Variants in BRINP1 observed in about 807,000 individuals in gnomAD.
The protein encoded by BRINP1 is BMP/retinoic acid inducible neural specific 1.
BRINP1 carries 17 observed loss-of-function variants against 72.9 expected under a neutral mutation model. The observed-to-expected ratio is 0.23, with a 90% CI of 0.16 to 0.35. The LOEUF (loss-of-function observed/expected upper bound fraction) is 0.35, where lower values mean the gene tolerates loss of function less well. Among genes scored for constraint, BRINP1 ranks in the 10% least tolerant of loss-of-function variants. BRINP1 has a pLI of 1.00. For missense variants in BRINP1, 850 were observed against 1,001.6 expected, an observed-to-expected ratio of 0.85 and a Z score of 2.04; for synonymous variants, 418 against 378.5, an observed-to-expected ratio of 1.10 and a Z score of -1.21.
chr9:119,192,552 C>A (rs1407989562), intron 7 of BRINP1, among the ~76,000 whole-genome samples: 1 of 151,948 alleles, frequency 6.6e-6, no homozygotes, highest in Non-Finnish European at 1.5e-5. Context: ...TACAATATTG[C>A]CCTGCTCCCA....
intron 2 of BRINP1, among the ~76,000 whole-genome samples, chr9:119,307,146 T>A (rs1028861513): frequency 6.6e-6 from 1 of 151,314 alleles, no homozygotes; most frequent in African/African-American, 2.4e-5. Context: ...ACCCACGAGA[T>A]GCCAGAAGCA....
At chr9:119,300,235 C>A (rs1160029682) in intron 2 of BRINP1, among the ~76,000 whole-genome samples, 1 of 151,916 alleles carries the variant, frequency 6.6e-6, no homozygotes, top group Non-Finnish European at 1.5e-5. Context: ...ATGGCTTCAT[C>A]AAAAATAACC....
intron 2 of BRINP1, among the ~76,000 whole-genome samples, chr9:119,287,547 G>A (rs1002774427): frequency 2.8e-4 from 43 of 152,244 alleles, no homozygotes; most frequent in African/African-American, 8.9e-4. Context: ...CTTGTTCCCC[G>A]ATGAACAAGG....
intron 2 of BRINP1, among the ~76,000 whole-genome samples, chr9:119,249,874 G>A (rs1390152527): frequency 3.7e-4 from 38 of 103,570 alleles, no homozygotes; most frequent in African/African-American, 1.2e-3. Context: ...GAGGGAGGGA[G>A]GGAAGGGAGG....
intron 7 of BRINP1, among the ~76,000 whole-genome samples, chr9:119,169,858 G>C (rs230097): frequency 0.08 from 12,033 of 151,120 alleles, 1,460 homozygotes; most frequent in African/African-American, 0.27. Flanking sequence ...GAGGCACCCC[G>C]CCAGCAGGGG....
At chr9:119,208,450 A>G (rs1056057676) in intron 7 of BRINP1, among the ~76,000 whole-genome samples, 2 of 152,226 alleles carry the variant, frequency 1.3e-5, no homozygotes, top group African/African-American at 2.4e-5. Flanking sequence ...TATCAGGGCT[A>G]GTGTTCCCCT....
chr9:119,264,717 C>T (rs78468571), intron 2 of BRINP1, among the ~76,000 whole-genome samples: 1,967 of 152,306 alleles, frequency 0.013, 16 homozygotes, highest in Non-Finnish European at 0.021. Flanking sequence ...ATCACCCAGG[C>T]TGGAGTGCAG....
At chr9:119,317,005 C>T (rs556440952) in intron 1 of BRINP1, among the ~76,000 whole-genome samples, 6 of 150,762 alleles carry the variant, frequency 4.0e-5, no homozygotes, top group East Asian at 1.9e-4. Context: ...CCAGGAGAAT[C>T]GCTTGAACCC....
At chr9:119,344,042 G>A (rs1247360839) in intron 1 of BRINP1, among the ~76,000 whole-genome samples, 1 of 152,114 alleles carries the variant, frequency 6.6e-6, no homozygotes, top group African/African-American at 2.4e-5. Flanking sequence ...CAGCATGTTG[G>A]GGAGATGGTA....
intron 1 of BRINP1, among the ~76,000 whole-genome samples, chr9:119,355,364 T>G (rs1454795084): frequency 6.6e-6 from 1 of 152,198 alleles, no homozygotes; most frequent in Non-Finnish European, 1.5e-5. Context: ...GCGAAGTGCT[T>G]TGTACATGCG....
intron 2 of BRINP1, among the ~76,000 whole-genome samples, chr9:119,307,770 A>G (rs551244574): frequency 1.3e-5 from 2 of 152,322 alleles, no homozygotes; most frequent in Non-Finnish European, 2.9e-5. Context: ...AAGAGGTTGT[A>G]CGGTTAAAAA....
intron 5 of BRINP1, among the ~76,000 whole-genome samples, chr9:119,225,475 C>T (rs1416205498): frequency 6.6e-6 from 1 of 151,850 alleles, no homozygotes; most frequent in Non-Finnish European, 1.5e-5. Flanking sequence ...TTAAATAATC[C>T]CTAGATTACT....
intron 5 of BRINP1, among the ~76,000 whole-genome samples, chr9:119,228,988 T>C (rs1462956483): frequency 6.6e-6 from 1 of 152,150 alleles, no homozygotes; most frequent in Non-Finnish European, 1.5e-5. Flanking sequence ...ATAAATAAAC[T>C]GATCAAACTG....
intron 6 of BRINP1, among the ~76,000 whole-genome samples, chr9:119,211,402 G>A (rs1426425763): frequency 1.3e-5 from 2 of 152,100 alleles, no homozygotes; most frequent in African/African-American, 4.8e-5. Context: ...TCATCATATT[G>A]GTCAGGCTGG....
intron 7 of BRINP1, among the ~76,000 whole-genome samples, chr9:119,180,497 G>A (rs1179039107): frequency 6.6e-6 from 1 of 151,754 alleles, no homozygotes; most frequent in African/African-American, 2.4e-5. Flanking sequence ...GTGTGTGTGT[G>A]TGTGTGTGTG....
At chr9:119,345,804 G>A (rs890743697) in intron 1 of BRINP1, among the ~76,000 whole-genome samples, 1 of 152,154 alleles carries the variant, frequency 6.6e-6, no homozygotes, top group Non-Finnish European at 1.5e-5. Context: ...AACAACCACT[G>A]AGCACATACC....
chr9:119,235,300 G>A (rs765391424), intron 5 of BRINP1, among the ~76,000 whole-genome samples: 5 of 152,140 alleles, frequency 3.3e-5, no homozygotes, highest in Admixed American at 3.3e-4. Context: ...TCTAGGACTT[G>A]AAAGATTATC....
chr9:119,338,992 G>A (rs1253620189), intron 1 of BRINP1, among the ~76,000 whole-genome samples: 1 of 152,112 alleles, frequency 6.6e-6, no homozygotes, highest in East Asian at 1.9e-4. Flanking sequence ...ACAGTGAAAG[G>A]AAGATGAAAT....
At chr9:119,342,343 A>G (rs1455862462) in intron 1 of BRINP1, among the ~76,000 whole-genome samples, 2 of 152,214 alleles carry the variant, frequency 1.3e-5, no homozygotes, top group East Asian at 3.8e-4. Flanking sequence ...AAAAGACAAT[A>G]GAAACTGTTA....
Sources: gnomAD v4.1 joint callset for allele counts (sites outside exome capture counted in the v4.1 genomes callset) on GRCh38, gnomAD v4.1.1 for gene constraint, MANE v1.5 for transcripts, NCBI Gene and HGNC (gene_info 2026-07-23, HGNC 2026-07-21) for gene names.